The following FBRSL1 variants were observed in gnomAD, a reference collection of about 807,000 sequenced individuals.
The protein encoded by FBRSL1 is fibrosin like 1.
Under a neutral mutation model 89.6 loss-of-function variants are expected in FBRSL1, and 51 were observed. That is an observed-to-expected ratio of 0.57 (90% CI 0.45 to 0.72). FBRSL1 has a LOEUF of 0.72. Ranked by LOEUF, FBRSL1 falls within the 30% of genes least tolerant of loss-of-function variation. The probability of loss-of-function intolerance (pLI) is 0.00; values close to 1 mark genes in which losing one functional copy is unlikely to be tolerated. For missense variants in FBRSL1, 1,618 were observed against 1,451.8 expected (o/e 1.11, Z -1.86); for synonymous variants, 779 against 681.1 (o/e 1.14, Z -2.24).
chr12:132,532,435 C>T (rs1172536270), intron 4 of FBRSL1, among the ~76,000 whole-genome samples: 1 of 152,182 alleles, frequency 6.6e-6, no homozygotes, highest in Non-Finnish European at 1.5e-5. Context: ...GAGCCATCTG[C>T]CTGGCTATGC....
intron 2 of FBRSL1, among the ~76,000 whole-genome samples, chr12:132,518,075 C>T (rs965159717): frequency 1.3e-5 from 2 of 152,158 alleles, no homozygotes; most frequent in Non-Finnish European, 2.9e-5. Flanking sequence ...CCTCCTCCGG[C>T]ACACAGGACT....
intron 5 of FBRSL1, among the ~76,000 whole-genome samples, chr12:132,556,705 T>TCCC (rs2038690736): frequency 4.2e-5 from 2 of 47,488 alleles, no homozygotes; most frequent in East Asian, 6.4e-4. Context: ...TCATGCTGCC[T>TCCC]CCAACCCCTG....
chr12:132,576,006 GC>G (rs2040359782), intron 14 of FBRSL1, among the ~76,000 whole-genome samples: 1 of 152,302 alleles, frequency 6.6e-6, no homozygotes, highest in African/African-American at 2.4e-5. Flanking sequence ...CCCAAGCCTG[GC>G]CCTGCCTCCC....
At chr12:132,511,864 G>A (rs2034381313) in intron 2 of FBRSL1, 1 of 984,204 alleles carries the variant, frequency 1.0e-6, no homozygotes, top group Non-Finnish European at 1.2e-6. Context: ...TTCCTCCGGT[G>A]CTCACCTGGG....
intron 2 of FBRSL1, among the ~76,000 whole-genome samples, chr12:132,514,032 T>C (rs1164244306): frequency 6.6e-6 from 1 of 152,186 alleles, no homozygotes; most frequent in Non-Finnish European, 1.5e-5. Context: ...GGCCCTGCCC[T>C]GCGTGTTGGA....
chr12:132,583,874 G>A lies in FBRSL1; in HGVS notation c.*96G>A, dbSNP rs566864530. ...AAGCACAGCTCCCGCCGATCCTGGG[G>A]CGGCGCCGCCTCTCCACCCGCAGCC... On this transcript the variant is annotated 3_prime_UTR_variant, in exon 19 of 19. Coordinates refer to ENST00000680143, the MANE Select transcript of FBRSL1 (RefSeq NM_001367871.1). The A allele has an allele frequency of 1.2e-3, 816 of 702,736 alleles. 1 individual carries two copies. The highest frequency in any genetic ancestry group is 1.3e-3 in the Non-Finnish European group (695 of 541,080). The allele number at this position is 702,736 out of a possible 1,614,324, so 43.5% of individuals were successfully genotyped here. A position where few individuals can be genotyped will look rare whatever the true frequency, so the allele number is the denominator to read the frequency against.
chr12:132,506,688 T>A (rs1176159633), intron 1 of FBRSL1, among the ~76,000 whole-genome samples: 3 of 152,266 alleles, frequency 2.0e-5, no homozygotes, highest in Non-Finnish European at 2.9e-5. Context: ...GTTAGCAGAT[T>A]GCGTCCACAG....
chr12:132,552,993 G>C (rs910351659), intron 5 of FBRSL1: 1 of 152,956 alleles, frequency 6.5e-6, no homozygotes, highest in African/African-American at 2.4e-5. Context: ...CGCCTTTGTT[G>C]TATCTGGCCG....
At chr12:132,523,230 G>A (rs1330901568) in intron 2 of FBRSL1, among the ~76,000 whole-genome samples, 1 of 152,208 alleles carries the variant, frequency 6.6e-6, no homozygotes, top group Non-Finnish European at 1.5e-5. Flanking sequence ...TGGGCTGAGG[G>A]CAGCCACCTT....
In FBRSL1 at chr12:132,582,138, C is replaced by G. The variant is rs2040802248; in HGVS notation, c.2073C>G (p.Asn691Lys). Residue 691 changes from asparagine to lysine, a missense_variant, in exon 18 of 19, where the codon AAC becomes AAG. Asn to Lys is a moderately conservative substitution (Grantham distance 94, BLOSUM62 0). Transcript: ENST00000680143. ...HGLPSPHEAW[N>K]RLHRAPPSFP... ...TGCCCAGCCCCCATGAGGCCTGGAA[C>G]CGACTGCACCGGGCACCGCCCTCCT... 1.3e-6 allele frequency: 2 copies of G among 1,549,890 alleles called. No homozygotes were observed. The highest frequency in any genetic ancestry group is 2.4e-5 in the South Asian group (2 of 84,042).
rs763009308 is a variant in FBRSL1, at chr12:132,525,840, C to T, written c.579+17C>T. The T allele has an allele frequency of 2.9e-5, 44 of 1,537,604 alleles. No individual in the cohort carries two copies. The highest frequency in any genetic ancestry group is 3.2e-5 in the Non-Finnish European group (36 of 1,136,654). On this transcript the variant is annotated intron_variant, in intron 3 of 18. Coordinates refer to ENST00000680143, the MANE Select transcript of FBRSL1 (RefSeq NM_001367871.1). ...CTCAGCGATGTGAGTACCCAGCTGC[C>T]CGCGCCCGGAGGCTCCGAGTCTGGG...
chr12:132,519,498 T>C (rs1437667219), intron 2 of FBRSL1, among the ~76,000 whole-genome samples: 1 of 152,250 alleles, frequency 6.6e-6, no homozygotes, highest in Non-Finnish European at 1.5e-5. Context: ...AGAGTCGTTC[T>C]CCTTCCCATA....
chr12:132,516,424 A>G (rs569101260), intron 2 of FBRSL1, among the ~76,000 whole-genome samples: 158 of 152,140 alleles, frequency 1.0e-3, no homozygotes, highest in Non-Finnish European at 2.0e-3. Context: ...ACCTCAGGTG[A>G]TCCACCCACC....
chr12:132,579,091 G>T (rs770031054), intron 15 of FBRSL1, among the ~76,000 whole-genome samples: 1 of 151,166 alleles, frequency 6.6e-6, no homozygotes, highest in Non-Finnish European at 1.5e-5. Context: ...GCTGTCCCTC[G>T]GTGCTCTGCC....
chr12:132,565,716 T>G (rs1173623221), intron 5 of FBRSL1: 1 of 152,332 alleles, frequency 6.6e-6, no homozygotes, highest in Admixed American at 6.5e-5. Context: ...ATAACACTCC[T>G]TCTTTGCAGT....
chr12:132,510,106 C>A, intron 2 of FBRSL1: 1 of 1,225,718 alleles, frequency 8.2e-7, no homozygotes, highest in Non-Finnish European at 1.0e-6. Flanking sequence ...CTCATGGGCC[C>A]GGAGCAGCCC....
At chr12:132,564,925 C>G in intron 5 of FBRSL1, 1 of 127,402 alleles carries the variant, frequency 7.8e-6, no homozygotes, top group East Asian at 1.9e-4. Flanking sequence ...CGCGGCCGGC[C>G]GCCCTCCTAG....
At position 132,505,694 on chromosome 12, in the gene FBRSL1, C is replaced by T. The variant is rs554849727; in HGVS notation, c.292-2459C>T. On this transcript the variant is annotated intron_variant, in intron 1 of 18. Transcript: ENST00000680143. ...CCCTGCCTGGGCCTCCTTGGTCGTG[C>T]CTCTCTCAGCAGCTGGGCAGGGCAG... is the stretch of plus-strand genomic sequence containing the variant. 3.8e-3 allele frequency among the ~76,000 whole-genome samples: 586 copies of T among 152,322 alleles called. 7 individuals carry two copies. The highest frequency in any genetic ancestry group is 6.8e-3 in the Middle Eastern group (2 of 294).
At chr12:132,525,965 C>G (rs1593344297) in intron 3 of FBRSL1, 142 bp downstream of exon 3, 1 of 670,450 alleles carries the variant, frequency 1.5e-6, no homozygotes. Context: ...GTCTGGGCCC[C>G]CTGCCCGCTG....
Sources: gnomAD v4.1 joint callset for allele counts (sites outside exome capture counted in the v4.1 genomes callset) on GRCh38, gnomAD v4.1.1 for gene constraint, MANE v1.5 for transcripts, NCBI Gene and HGNC (gene_info 2026-07-23, HGNC 2026-07-21) for gene names.